Variants in ALG14 observed in about 807,000 individuals in gnomAD.
ALG14 encodes the protein ALG14 UDP-N-acetylglucosaminyltransferase subunit.
ALG14 carries 17 observed loss-of-function variants against 22.8 expected under a neutral mutation model. The observed-to-expected ratio is 0.75, with a 90% CI of 0.51 to 1.12. ALG14 has a LOEUF of 1.12. Among genes scored for constraint, ALG14 ranks in the 50% most tolerant of loss-of-function variants. The probability of loss-of-function intolerance (pLI) is 0.00; values close to 1 mark genes in which losing one functional copy is unlikely to be tolerated. For missense variants in ALG14, 288 were observed against 271.8 expected (o/e 1.06, Z -0.42); for synonymous variants, 89 against 103.7 (o/e 0.86, Z 0.86).
intron 3 of ALG14, among the ~76,000 whole-genome samples, chr1:94,988,578 T>C (rs543694605): frequency 6.6e-6 from 1 of 152,172 alleles, no homozygotes; most frequent in African/African-American, 2.4e-5. Flanking sequence ...CAAGCAGGGC[T>C]GGGGAAAGGG....
intron 3 of ALG14, among the ~76,000 whole-genome samples, chr1:95,022,783 G>A (rs1285183889): frequency 6.6e-6 from 1 of 152,112 alleles, no homozygotes; most frequent in Non-Finnish European, 1.5e-5. Flanking sequence ...TGGGACAGCT[G>A]ACCTTTTCTT....
chr1:95,059,775 C>T (rs929101268), intron 2 of ALG14, among the ~76,000 whole-genome samples: 6 of 151,838 alleles, frequency 4.0e-5, no homozygotes, highest in African/African-American at 7.2e-5. Context: ...CTAGTGCAAC[C>T]GAGGGACCAA....
At position 94,982,144 on chromosome 1, in the gene ALG14, G is replaced by A. The variant is rs922182820; in HGVS notation, c.*932C>T. The A allele has an allele frequency of 1.5e-5, 2 of 133,302 alleles. No individual in the cohort carries two copies. Among genetic ancestry groups the A allele is most frequent in the African/African-American group, 2.9e-5 (1 of 34,812 alleles). The allele number at this position is 133,302 out of a possible 1,614,324, so 8.3% of individuals were successfully genotyped here. Reference sequence around the variant, plus strand: ...TGTTTTTTTTTTTTTTTTTTGAGACGAAGTTTCACTCTTGTCACCCAGGCT... The same window carrying A: ...TGTTTTTTTTTTTTTTTTTTGAGACAAAGTTTCACTCTTGTCACCCAGGCT... On this transcript the variant is annotated 3_prime_UTR_variant, in exon 4 of 4. Transcript: ENST00000370205.
At chr1:95,023,159 TACTC>T (rs1238798959) in intron 3 of ALG14, among the ~76,000 whole-genome samples, 1 of 152,044 alleles carries the variant, frequency 6.6e-6, no homozygotes, top group Non-Finnish European at 1.5e-5. Flanking sequence ...GACGGAGTCT[TACTC>T]TATCCCCCAG....
intron 2 of ALG14, among the ~76,000 whole-genome samples, chr1:95,031,674 G>A (rs191395085): frequency 3.5e-5 from 5 of 143,048 alleles, no homozygotes; most frequent in East Asian, 2.1e-4. Flanking sequence ...CCATCCCCAC[G>A]TACACATATT....
intron 3 of ALG14, among the ~76,000 whole-genome samples, chr1:94,988,891 T>C (rs1371811121): frequency 6.6e-6 from 1 of 152,196 alleles, no homozygotes; most frequent in East Asian, 1.9e-4. Flanking sequence ...CTCACCAATC[T>C]TAACATTTTG....
At position 94,979,310 on chromosome 1, in the gene ALG14, A is replaced by AAAAAAAAAAAG. The variant is rs1553222994; in HGVS notation, c.*3765_*3766insCTTTTTTTTTT. The AAAAAAAAAAAG allele has an allele frequency of 5.6e-5, 5 of 89,840 alleles. No individual in the cohort carries two copies. Among genetic ancestry groups the AAAAAAAAAAAG allele is most frequent in the African/African-American group, 1.6e-4 (3 of 18,746 alleles). 5.6% of individuals were successfully genotyped at this position (89,840 alleles called of 1,614,324 possible). On this transcript the variant is annotated 3_prime_UTR_variant, in exon 4 of 4. Transcript: ENST00000370205. ...GTCTCGAAAAAAAAAAAAAAAAAAA[A>AAAAAAAAAAAG]AAAAGAAAGAAAAAAGTGAAACAAG...
At chr1:95,072,658 G>A (rs74823097) in intron 1 of ALG14, 105 bp downstream of exon 1, 1 of 1,467,854 alleles carries the variant, frequency 6.8e-7, no homozygotes, top group South Asian at 1.3e-5. Flanking sequence ...ATCTCTGCAT[G>A]CAACACTCCA....
intron 2 of ALG14, among the ~76,000 whole-genome samples, chr1:95,059,378 A>G (rs1264836524): frequency 7.0e-6 from 1 of 142,974 alleles, no homozygotes; most frequent in African/African-American, 2.7e-5. Context: ...AGCCTGGGTG[A>G]CAGGGTGAGA....
At chr1:95,035,764 G>A (rs1674166083) in intron 2 of ALG14, 1 of 152,122 alleles carries the variant, frequency 6.6e-6, no homozygotes, top group South Asian at 2.1e-4. Context: ...GAATCCAGAT[G>A]GCATCATAAA....
intron 3 of ALG14, among the ~76,000 whole-genome samples, chr1:94,997,425 C>T (rs1351587307): frequency 1.3e-5 from 2 of 152,198 alleles, no homozygotes; most frequent in Admixed American, 1.3e-4. Context: ...TAATATTAAA[C>T]CTCTGAGTTT....
intron 2 of ALG14, among the ~76,000 whole-genome samples, chr1:95,034,358 A>T (rs1674116385): frequency 6.6e-6 from 1 of 152,234 alleles, no homozygotes; most frequent in Non-Finnish European, 1.5e-5. Context: ...TCCATGAGAG[A>T]AAAGGATTTC....
intron 3 of ALG14, among the ~76,000 whole-genome samples, chr1:95,000,232 A>T (rs1435416457): frequency 1.3e-5 from 2 of 152,090 alleles, no homozygotes; most frequent in Non-Finnish European, 1.5e-5. Context: ...AATAAATGTG[A>T]GGAATCAAGA....
intron 3 of ALG14, among the ~76,000 whole-genome samples, chr1:95,015,959 G>A (rs1012472908): frequency 1.3e-5 from 2 of 152,192 alleles, no homozygotes; most frequent in Non-Finnish European, 2.9e-5. Context: ...GACAAAAGAG[G>A]AGAAAGATCC....
intron 2 of ALG14, among the ~76,000 whole-genome samples, chr1:95,064,432 CTTA>C (rs1675280238): frequency 6.6e-6 from 1 of 152,006 alleles, no homozygotes; most frequent in Non-Finnish European, 1.5e-5. Context: ...ATATATGGCT[CTTA>C]TTATTTTGAG....
intron 2 of ALG14, among the ~76,000 whole-genome samples, chr1:95,052,300 C>A (rs186542769): frequency 6.6e-6 from 1 of 152,128 alleles, no homozygotes; most frequent in East Asian, 1.9e-4. Flanking sequence ...TATAAATATA[C>A]ATCTAAATAA....
At chr1:94,984,763 A>G (rs1156822523) in intron 3 of ALG14, among the ~76,000 whole-genome samples, 1 of 152,206 alleles carries the variant, frequency 6.6e-6, no homozygotes, top group African/African-American at 2.4e-5. Context: ...AAGGTTAAAC[A>G]AACTGCAAAC....
Position 94,999,413 on chromosome 1 carries a change from G to A in ALG14, c.421-16107C>T, listed in dbSNP as rs535420178. On this transcript the variant is annotated intron_variant, in intron 3 of 3. Coordinates refer to ENST00000370205, the MANE Select transcript of ALG14 (RefSeq NM_144988.4). ...CAAGTGCTTATCTGAATGGTTAGAC[G>A]TAATTATGAGGCAGGAGTATCTATA... 5.8e-5 allele frequency among the ~76,000 whole-genome samples: 8 copies of A among 138,662 alleles called. No homozygotes were observed. The South Asian group carries it at 1.4e-3, about 23-fold the overall frequency. 91.0% of individuals were successfully genotyped at this position (138,662 alleles called of 152,430 possible). A position where few individuals can be genotyped will look rare whatever the true frequency, so the allele number is the denominator to read the frequency against.
At chr1:95,057,674 T>C (rs1674983326) in intron 2 of ALG14, among the ~76,000 whole-genome samples, 1 of 151,008 alleles carries the variant, frequency 6.6e-6, no homozygotes, top group African/African-American at 2.4e-5. Flanking sequence ...ATGACCTATA[T>C]ATAATATGAA....
Sources: allele counts gnomAD v4.1 joint callset (sites outside exome capture counted in the v4.1 genomes callset), GRCh38; gene constraint gnomAD v4.1.1; transcripts MANE v1.5; gene names NCBI Gene and HGNC (gene_info 2026-07-23, HGNC 2026-07-21).